MUC5B: variants seen among roughly 807,000 people sequenced by gnomAD.
MUC5B encodes mucin 5B, oligomeric mucus/gel-forming, also known as mucin-5B.
In MUC5B, 116 loss-of-function variants were observed where a neutral mutation model predicts 376.9. The observed-to-expected ratio is 0.31, with a 90% confidence interval of 0.26 to 0.36. The LOEUF (loss-of-function observed/expected upper bound fraction) is 0.36, where lower values mean the gene tolerates loss of function less well. MUC5B is among the 10% of genes least tolerant of loss of function. The pLI, the probability that MUC5B is intolerant of heterozygous loss-of-function variation, is 1.00. For missense variants in MUC5B, 7,165 were observed against 7,769.9 expected, an observed-to-expected ratio of 0.92 and a Z score of 2.93; for synonymous variants, 3,517 against 3,390.9, an observed-to-expected ratio of 1.04 and a Z score of -1.29.
rs531188862 is a variant in MUC5B, at chr11:1,239,589, T to G, written c.3583+23T>G. ...AAGGTGAGGGGCAGCCTTTCTTGGATGGAGCCTCCTCTCCTTGGGTTCCCG... is the reference window on the plus strand; with the variant it reads ...AAGGTGAGGGGCAGCCTTTCTTGGAGGGAGCCTCCTCTCCTTGGGTTCCCG... On this transcript the variant is annotated intron_variant, in intron 27 of 48. Transcript: ENST00000529681. 2.6e-6 allele frequency: 4 copies of G among 1,545,014 alleles called. No homozygotes were observed. In the South Asian group the frequency reaches 4.9e-5, roughly 19 times the overall value.
At position 1,247,063 on chromosome 11, in the gene MUC5B, A is replaced by G; in HGVS notation, c.10183A>G (p.Thr3395Ala). 2.6e-6 allele frequency: 4 copies of G among 1,559,648 alleles called. No individual in the cohort carries two copies. The highest frequency in any genetic ancestry group is 3.5e-6 in the Non-Finnish European group (4 of 1,151,926). ...TCCCCCATCACTGACCACCACGGCC[A>G]CTACGATCACAGCCACCGGCTCCAC... ...GTPPSLTTTA[T>A]TITATGSTTN... Residue 3395 changes from threonine (T) to alanine (A), a missense_variant, in exon 31 of 49, where the codon ACT (threonine) becomes GCT (alanine). This residue lies in a region of MUC5B where 939 missense variants were observed against 770.6 expected (regional missense o/e 1.22). Coordinates refer to ENST00000529681, the MANE Select transcript of MUC5B (RefSeq NM_002458.3).
At position 1,250,848 on chromosome 11, in the gene MUC5B, C is replaced by G. The variant is rs747617535; in HGVS notation, c.13968C>G (p.Thr4656=). 4 of 1,609,910 alleles carry G rather than the reference C, an allele frequency of 2.5e-6. No individual in the cohort carries two copies. The highest frequency in any genetic ancestry group is 3.4e-6 in the Non-Finnish European group (4 of 1,178,070). The stretch of plus-strand genomic sequence containing the variant: ...CCGCCAGAGTGCTGACCACCACCAC[C>G]ACAACTGTGGCCACTGGTTCTATGG... ...THTARVLTTT[T]TTVATGSMAT... The change falls in exon 31 of 49, where the codon ACC becomes ACG. Residue 4656 remains threonine, a synonymous_variant. Coordinates refer to ENST00000529681, the MANE Select transcript of MUC5B (RefSeq NM_002458.3).
In MUC5B at chr11:1,244,664, C is replaced by A. The variant is rs1309798664; in HGVS notation, c.7784C>A (p.Thr2595Asn). The A allele has an allele frequency of 1.2e-6, 2 of 1,612,370 alleles. No individual in the cohort carries two copies. Among genetic ancestry groups the A allele is most frequent in the Non-Finnish European group, 8.5e-7 (1 of 1,178,760 alleles). ...TTTGATGSVA[T>N]PSSTPGTAHT... ...ACCGGGGCCACCGGCTCTGTGGCCACCCCCTCCTCCACCCCAGGAACAGCT... is the reference window on the plus strand; with the variant it reads ...ACCGGGGCCACCGGCTCTGTGGCCAACCCCTCCTCCACCCCAGGAACAGCT... The change falls in exon 31 of 49, where the codon ACC becomes AAC. Residue 2595 changes from threonine (T) to asparagine (N), a missense_variant. Coordinates refer to ENST00000529681, the MANE Select transcript of MUC5B (RefSeq NM_002458.3).
rs185291905 is a variant in MUC5B at position 1,236,576 on chromosome 11, G to A, written c.3057+14G>A. 17 of 1,610,276 alleles carry A rather than the reference G, an allele frequency of 1.1e-5. No homozygotes were observed. Among genetic ancestry groups the A allele is most frequent in the African/African-American group, 5.3e-5 (4 of 75,038 alleles). ...CAGGACTACAAGGTGAGCTCGGGCC[G>A]TGCACTCCTAGGCCCTGCAGGACCC... On this transcript the variant is annotated intron_variant, in intron 24 of 48. Coordinates refer to ENST00000529681, the MANE Select transcript of MUC5B (RefSeq NM_002458.3).
rs867374268 is a variant in MUC5B, at chr11:1,256,210, C to T, written c.16121C>T (p.Ala5374Val). Residue 5374 changes from alanine (A) to valine (V), a missense_variant, in exon 38 of 49, where the codon GCC becomes GTC. Physicochemically the swap from Ala to Val is moderately conservative, Grantham distance 64. Transcript: ENST00000529681. ...AAGCCATGCGGCCCCATACAGCCTGCCACCTGCAACTCTAGGTAAGTACAG... is the reference window on the plus strand; with the variant it reads ...AAGCCATGCGGCCCCATACAGCCTGTCACCTGCAACTCTAGGTAAGTACAG... ...VYKPCGPIQP[A>V]TCNSRNQSPQ... 1 of 731,090 alleles carries T rather than the reference C, an allele frequency of 1.4e-6. No homozygotes were observed. The highest frequency in any genetic ancestry group is 2.5e-6 in the Non-Finnish European group (1 of 393,288). 45.3% of individuals were successfully genotyped at this position (731,090 alleles called of 1,614,324 possible). A position where few individuals can be genotyped will look rare whatever the true frequency, so the allele number is the denominator to read the frequency against.
At chr11:1,256,815 C>G in intron 39 of MUC5B, 44 bp downstream of exon 39, 2 of 1,455,094 alleles carry the variant, frequency 1.4e-6, no homozygotes, top group Non-Finnish European at 1.8e-6. Flanking sequence ...TGGGCCCGAC[C>G]CAAGCACACA....
chr11:1,246,895 A>G lies in MUC5B; in HGVS notation c.10015A>G (p.Thr3339Ala), dbSNP rs1162359556. ...TPPVWISTTT[T>A]PTTRGSTVTP... ...TCCAGTGTGGATCAGCACAACCACC[A>G]CACCCACAACCAGAGGCTCCACGGT... The change falls in exon 31 of 49, where the codon ACA becomes GCA. Residue 3339 changes from threonine to alanine, a missense_variant. Thr to Ala is a moderately conservative substitution (Grantham distance 58). This residue lies in a region of MUC5B where 939 missense variants were observed against 770.6 expected (regional missense o/e 1.22). Transcript: ENST00000529681. 6.2e-7 allele frequency: 1 copy of G among 1,610,400 alleles called. No individual in the cohort carries two copies. The highest frequency in any genetic ancestry group is 1.1e-5 in the South Asian group (1 of 90,908).
chr11:1,231,033 C>G, intron 13 of MUC5B, 28 bp downstream of exon 13: 4 of 1,556,314 alleles, frequency 2.6e-6, no homozygotes, highest in Non-Finnish European at 2.6e-6. Flanking sequence ...GACGGCCGGG[C>G]TGGGTGGCGC....
chr11:1,229,675 C>T lies in MUC5B; in HGVS notation c.1103-15C>T, dbSNP rs761493984. ...CCGTGCATGGGCCGGCCCTGCCTCA[C>T]GCCGCGCCCCACAGGCACGGTGCTG... is the stretch of plus-strand genomic sequence containing the variant. On this transcript the variant is annotated splice_polypyrimidine_tract_variant and intron_variant, in intron 9 of 48. Transcript: ENST00000529681. 1.4e-5 allele frequency: 21 copies of T among 1,545,152 alleles called. No homozygotes were observed. The highest frequency in any genetic ancestry group is 3.8e-5 in the Admixed American group (2 of 52,234).
Position 1,239,418 on chromosome 11 carries a change from C to T in MUC5B, c.3455-20C>T, listed in dbSNP as rs368361860. On this transcript the variant is annotated intron_variant, in intron 26 of 48. Transcript: ENST00000529681. ...GAGGGCTGGTGGGCGCCTCCTTAGC[C>T]TCTGCCCTCTGTGCCCCAGCCTTGT... 4.8e-5 allele frequency: 77 copies of T among 1,602,686 alleles called. No homozygotes were observed. The highest frequency in any genetic ancestry group is 6.5e-5 in the Non-Finnish European group (76 of 1,173,200).
At chr11:1,259,176 C>T (rs1306084816) in intron 44 of MUC5B, 115 bp downstream of exon 44, 13 of 1,113,624 alleles carry the variant, frequency 1.2e-5, no homozygotes, top group African/African-American at 1.6e-5. Context: ...GGTGAGCCCC[C>T]GAGGCACCTG....
chr11:1,250,538 C>A lies in MUC5B; in HGVS notation c.13658C>A (p.Ser4553Tyr). The A allele has an allele frequency of 6.2e-7, 1 of 1,613,676 alleles. No homozygotes were observed. The highest frequency in any genetic ancestry group is 8.5e-7 in the Non-Finnish European group (1 of 1,179,828). The change falls in exon 31 of 49, where the codon TCC becomes TAC. Residue 4553 changes from serine to tyrosine, a missense_variant. Transcript: ENST00000529681. ...PTATMSTATP[S>Y]STPETVHTST... ...GCCACCATGTCCACAGCCACACCCT[C>A]CTCCACTCCAGAGACTGTCCACACC...
At chr11:1,238,321 CAG>C (rs1041003098) in intron 25 of MUC5B, among the ~76,000 whole-genome samples, 1 of 152,244 alleles carries the variant, frequency 6.6e-6, no homozygotes, top group Non-Finnish European at 1.5e-5. Flanking sequence ...CTGACCCTCA[CAG>C]AGCTTCCAGA....
At chr11:1,259,507 T>C in intron 44 of MUC5B, 1 of 579,172 alleles carries the variant, frequency 1.7e-6, no homozygotes, top group Non-Finnish European at 3.1e-6. Context: ...GGACAGGACC[T>C]GCAGGCTGCT....
chr11:1,245,072 G>C lies in MUC5B; in HGVS notation c.8192G>C (p.Ser2731Thr). ...GCCACCACACCTGCAGCCACCAGCAGCACAGTGACTCCCTCCTCTGCCCTA... is the reference window on the plus strand; with the variant it reads ...GCCACCACACCTGCAGCCACCAGCACCACAGTGACTCCCTCCTCTGCCCTA... ...TTATTPAATS[S>T]TVTPSSALGT... is the part of the protein sequence containing the mutation. The change falls in exon 31 of 49, where the codon AGC becomes ACC. Residue 2731 changes from serine (S) to threonine (T), a missense_variant. Physicochemically the swap from Ser to Thr is moderately conservative, Grantham distance 58. Coordinates refer to ENST00000529681, the MANE Select transcript of MUC5B (RefSeq NM_002458.3). 6.5e-7 allele frequency: 1 copy of C among 1,536,040 alleles called. No individual in the cohort carries two copies. Among genetic ancestry groups the C allele is most frequent in the African/African-American group, 1.4e-5 (1 of 69,504 alleles).
chr11:1,237,904 G>A (rs1049905758), intron 25 of MUC5B, among the ~76,000 whole-genome samples: 8 of 152,184 alleles, frequency 5.3e-5, no homozygotes, highest in African/African-American at 9.7e-5. Context: ...AAGCAGTTTC[G>A]TGTCATCTTA....
chr11:1,260,849 G>C (rs1327934648), intron 48 of MUC5B, 121 bp downstream of exon 48: 2 of 721,020 alleles, frequency 2.8e-6, no homozygotes, highest in African/African-American at 3.5e-5. Flanking sequence ...AGGAAGGAGG[G>C]AAGGGGCTCC....
In MUC5B at chr11:1,258,002, G is replaced by T. The variant is rs1245391180; in HGVS notation, c.16451-97G>T. The T allele has an allele frequency of 2.4e-6, 3 of 1,260,876 alleles. No individual in the cohort carries two copies. The highest frequency in any genetic ancestry group is 3.3e-6 in the Non-Finnish European group (3 of 897,792). The allele number at this position is 1,260,876 out of a possible 1,614,324, so 78.1% of individuals were successfully genotyped here. A position where few individuals can be genotyped will look rare whatever the true frequency, so the allele number is the denominator to read the frequency against. ...CCCCCAGGGGCTGTGAAGCGGTCAG[G>T]TCCTCGGGGAAAAGCACGCCTGCGA... On this transcript the variant is annotated intron_variant, in intron 41 of 48. Transcript: ENST00000529681. The surrounding 1 kb of genome is among the most constrained non-coding windows in gnomAD (Gnocchi z 5.5).
rs376910733 is a variant in MUC5B at position 1,241,029 on chromosome 11, G to C, written c.4149G>C (p.Ala1383=). Residue 1383 remains alanine, a synonymous_variant, in exon 31 of 49, where the codon GCG becomes GCC. Coordinates refer to ENST00000529681, the MANE Select transcript of MUC5B (RefSeq NM_002458.3). ...PVLADIECRA[A]QLPDMPLEEL... is the part of the protein sequence containing the mutation. Reference sequence around the variant, plus strand: ...TGGCTGACATCGAGTGCCGGGCGGCGCAGCTTCCCGACATGCCGCTGGAGG... The same window carrying C: ...TGGCTGACATCGAGTGCCGGGCGGCCCAGCTTCCCGACATGCCGCTGGAGG... 36 of 1,612,412 alleles carry C rather than the reference G, an allele frequency of 2.2e-5. No homozygotes were observed. Among genetic ancestry groups the C allele is most frequent in the Non-Finnish European group, 2.9e-5 (34 of 1,179,834 alleles).
Sources: allele counts gnomAD v4.1 joint callset (sites outside exome capture counted in the v4.1 genomes callset), GRCh38; gene constraint gnomAD v4.1.1; regional missense constraint gnomAD v4.1.1; non-coding constraint Gnocchi (gnomAD v3.1); transcripts MANE v1.5; gene names NCBI Gene and HGNC (gene_info 2026-07-23, HGNC 2026-07-21).